Variants in IMPG1 observed in about 807,000 individuals in gnomAD.
IMPG1 encodes interphotoreceptor matrix proteoglycan 1.
In IMPG1, 85 loss-of-function variants were observed where a neutral mutation model predicts 92.0. That is an observed-to-expected ratio of 0.92 (90% CI 0.78 to 1.11). The LOEUF is 1.11. Ranked by LOEUF, IMPG1 falls within the 50% of genes least tolerant of loss-of-function variation. IMPG1 has a pLI of 0.00. For synonymous variants in IMPG1, 367 were observed against 334.1 expected, an observed-to-expected ratio of 1.10 and a Z score of -1.08; for missense variants, 1,022 against 956.0, an observed-to-expected ratio of 1.07 and a Z score of -0.91.
intron 12 of IMPG1, among the ~76,000 whole-genome samples, chr6:75,982,474 A>G (rs1308139548): frequency 2.0e-5 from 3 of 151,652 alleles, no homozygotes; most frequent in African/African-American, 7.3e-5. Context: ...CGGGAGGCGG[A>G]GGTTGCAGTG....
At chr6:75,991,467 A>T (rs937603041) in intron 12 of IMPG1, among the ~76,000 whole-genome samples, 6 of 152,090 alleles carry the variant, frequency 3.9e-5, no homozygotes, top group African/African-American at 1.4e-4. Flanking sequence ...ACCTCATTTG[A>T]GTCCAGATAA....
At chr6:75,953,813 C>T (rs1782074353) in intron 12 of IMPG1, among the ~76,000 whole-genome samples, 1 of 151,990 alleles carries the variant, frequency 6.6e-6, no homozygotes, top group East Asian at 1.9e-4. Flanking sequence ...CTCCCTGTGT[C>T]CATGTGTTCT....
chr6:76,057,529 C>G (rs750371370), intron 1 of IMPG1, among the ~76,000 whole-genome samples: 1 of 152,130 alleles, frequency 6.6e-6, no homozygotes, highest in African/African-American at 2.4e-5. Flanking sequence ...CCCGGCTAGA[C>G]AGCCTAATAT....
At chr6:76,021,366 A>T (rs1783421395) in intron 6 of IMPG1, among the ~76,000 whole-genome samples, 1 of 152,258 alleles carries the variant, frequency 6.6e-6, no homozygotes, top group Non-Finnish European at 1.5e-5. Context: ...TCACCCTGAC[A>T]ACCTTGGACA....
At chr6:75,929,808 T>C (rs1162986084) in intron 15 of IMPG1, among the ~76,000 whole-genome samples, 1 of 152,120 alleles carries the variant, frequency 6.6e-6, no homozygotes, top group Non-Finnish European at 1.5e-5. Flanking sequence ...TTGATCTATT[T>C]TGAGTTAATT....
intron 1 of IMPG1, among the ~76,000 whole-genome samples, chr6:76,044,811 T>C (rs1783908400): frequency 6.6e-6 from 1 of 152,092 alleles, no homozygotes; most frequent in African/African-American, 2.4e-5. Context: ...TGTCCTGGAA[T>C]TTTTCCCAGG....
At chr6:75,936,098 C>A (rs1439882270) in intron 14 of IMPG1, among the ~76,000 whole-genome samples, 1 of 152,210 alleles carries the variant, frequency 6.6e-6, no homozygotes, top group Non-Finnish European at 1.5e-5. Context: ...AGTGAAGAAG[C>A]CTCAGGACAG....
At chr6:75,974,330 C>CCTCTCTTTCTTTCTTTCTTT (rs1426856034) in intron 12 of IMPG1, among the ~76,000 whole-genome samples, 3 of 98,212 alleles carry the variant, frequency 3.1e-5, no homozygotes, top group Admixed American at 1.2e-4. Context: ...TCTTTCTTTC[C>CCTCTCTTTCTTTCTTTCTTT]CTTTCTTTCT....
intron 14 of IMPG1, among the ~76,000 whole-genome samples, chr6:75,941,803 C>T (rs1781840233): frequency 6.6e-6 from 1 of 152,166 alleles, no homozygotes. Flanking sequence ...CTCTTTAAAC[C>T]AGCTTTGTCA....
intron 1 of IMPG1, among the ~76,000 whole-genome samples, chr6:76,061,162 G>A (rs1403078150): frequency 2.0e-5 from 3 of 152,022 alleles, no homozygotes; most frequent in African/African-American, 7.2e-5. Context: ...AAGCCTAAAG[G>A]GGCCACAAGG....
rs1490593280 is a variant in IMPG1 at position 75,951,056 on chromosome 6, G to C, written c.1330C>G (p.Leu444Val). The change falls in exon 13 of 17, where the codon CTG (leucine) becomes GTG (valine). Residue 444 changes from leucine to valine, a missense_variant. Leu to Val is a conservative substitution (Grantham distance 32, BLOSUM62 1). Around this residue, in one of 3 missense-constraint regions of IMPG1, gnomAD observed 681 missense variants for 583.6 expected, o/e 1.17. Transcript: ENST00000369950. ...ATAAAGAAAGGTGGAGCTTCTGACA[G>C]GGAGGTAGAGGCCATAGCAGGTGGA... ...WSPPAMASTS[L>V]SEAPPFFMAS... The C allele has an allele frequency of 6.2e-7, 1 of 1,613,498 alleles. No individual in the cohort carries two copies. Among genetic ancestry groups the C allele is most frequent in the Admixed American group, 1.7e-5 (1 of 59,970 alleles).
At chr6:75,924,693 A>T (rs376063183) in intron 15 of IMPG1, among the ~76,000 whole-genome samples, 313 of 4,024 alleles carry the variant, frequency 0.078, 100 homozygotes, top group East Asian at 0.4. Flanking sequence ...ATTATATATA[A>T]ATAATTATAT....
intron 12 of IMPG1, among the ~76,000 whole-genome samples, chr6:75,996,590 G>C (rs898813878): frequency 4.6e-5 from 7 of 152,138 alleles, no homozygotes; most frequent in African/African-American, 1.7e-4. Flanking sequence ...CCTGGAAAAA[G>C]GGTGGTCATG....
intron 4 of IMPG1, 56 bp downstream of exon 4, chr6:76,034,259 T>C: frequency 6.5e-7 from 1 of 1,530,926 alleles, no homozygotes; most frequent in Non-Finnish European, 9.0e-7. Context: ...CACTCCATTA[T>C]ATGATCTTTT....
intron 1 of IMPG1, among the ~76,000 whole-genome samples, chr6:76,051,983 GA>G (rs796592366): frequency 1.1e-3 from 160 of 141,082 alleles, no homozygotes; most frequent in Middle Eastern, 3.6e-3. Flanking sequence ...ACACACACAA[GA>G]AAAAAAAAAA....
At chr6:76,034,121 G>A (rs1783695329) in intron 4 of IMPG1, among the ~76,000 whole-genome samples, 194 bp downstream of exon 4, 1 of 151,980 alleles carries the variant, frequency 6.6e-6, no homozygotes, top group Non-Finnish European at 1.5e-5. Context: ...AAATCTATAA[G>A]GTCTATTTAT....
At chr6:76,036,721 T>A (rs1783747803) in intron 2 of IMPG1, among the ~76,000 whole-genome samples, 1 of 152,184 alleles carries the variant, frequency 6.6e-6, no homozygotes, top group Non-Finnish European at 1.5e-5. Context: ...AGTAACCATG[T>A]GACATTTCCT....
chr6:75,964,319 C>A (rs1782264687), intron 12 of IMPG1, among the ~76,000 whole-genome samples: 1 of 151,836 alleles, frequency 6.6e-6, no homozygotes, highest in Non-Finnish European at 1.5e-5. Context: ...ATATTAGAAA[C>A]CACTGAATTG....
intron 14 of IMPG1, among the ~76,000 whole-genome samples, chr6:75,943,119 G>A (rs186184976): frequency 5.6e-4 from 86 of 152,240 alleles, no homozygotes; most frequent in African/African-American, 2.1e-3. Context: ...GTGTGAGTGA[G>A]GGTGGTGTTT....
Sources: gnomAD v4.1 joint callset for allele counts (sites outside exome capture counted in the v4.1 genomes callset) on GRCh38, gnomAD v4.1.1 for gene constraint, gnomAD v4.1.1 regional missense constraint, MANE v1.5 for transcripts, NCBI Gene and HGNC (gene_info 2026-07-23, HGNC 2026-07-21) for gene names.